FANCC: variants seen among roughly 807,000 people sequenced by gnomAD.
The protein encoded by FANCC is FA complementation group C, also known as Fanconi anemia group C protein.
FANCC carries 55 observed loss-of-function variants against 71.3 expected under a neutral mutation model. That is an observed-to-expected ratio of 0.77 (90% CI 0.62 to 0.97). The LOEUF (loss-of-function observed/expected upper bound fraction) is 0.97, where lower values mean the gene tolerates loss of function less well. Ranked by LOEUF, FANCC falls within the 50% of genes least tolerant of loss-of-function variation. The pLI is 0.00. For missense variants in FANCC, 678 were observed against 670.9 expected, an observed-to-expected ratio of 1.01 and a Z score of -0.12; for synonymous variants, 275 against 244.9, an observed-to-expected ratio of 1.12 and a Z score of -1.15.
intron 4 of FANCC, among the ~76,000 whole-genome samples, chr9:95,210,316 A>G (rs995000316): frequency 1.6e-4 from 25 of 152,154 alleles, no homozygotes; most frequent in African/African-American, 6.0e-4. Flanking sequence ...ACTGGATGAT[A>G]GATATGTGTT....
chr9:95,113,174 G>A (rs1292316223), intron 12 of FANCC, among the ~76,000 whole-genome samples: 1 of 152,182 alleles, frequency 6.6e-6, no homozygotes, highest in Non-Finnish European at 1.5e-5. Context: ...TTGGCTGCAG[G>A]CCTTTTTTGT....
At chr9:95,216,745 ACT>A (rs1828887581) in intron 4 of FANCC, among the ~76,000 whole-genome samples, 1 of 152,100 alleles carries the variant, frequency 6.6e-6, no homozygotes, top group East Asian at 1.9e-4. Flanking sequence ...TTTATCTAGG[ACT>A]CTCTGCATCT....
chr9:95,206,811 A>G (rs926867397), intron 4 of FANCC, among the ~76,000 whole-genome samples: 1 of 152,164 alleles, frequency 6.6e-6, no homozygotes, highest in African/African-American at 2.4e-5. Context: ...TTTACCCCTA[A>G]ACTTTTTTTT....
At chr9:95,137,405 C>T (rs1358755380) in intron 7 of FANCC, among the ~76,000 whole-genome samples, 9 of 152,140 alleles carry the variant, frequency 5.9e-5, no homozygotes, top group Admixed American at 3.3e-4. Flanking sequence ...GTACATTCAC[C>T]TCAGAGCCTC....
At chr9:95,217,341 C>T (rs958346990) in intron 4 of FANCC, among the ~76,000 whole-genome samples, 4 of 151,676 alleles carry the variant, frequency 2.6e-5, no homozygotes, top group Non-Finnish European at 4.4e-5. Flanking sequence ...AAACATTAGC[C>T]GGGTGTGGTG....
intron 4 of FANCC, among the ~76,000 whole-genome samples, chr9:95,185,721 C>T (rs1229596755): frequency 6.6e-6 from 1 of 152,178 alleles, no homozygotes; most frequent in African/African-American, 2.4e-5. Context: ...TCACAGAATC[C>T]ATATCTACCT....
intron 1 of FANCC, among the ~76,000 whole-genome samples, chr9:95,287,127 T>G (rs1352915810): frequency 3.3e-5 from 5 of 152,228 alleles, no homozygotes; most frequent in Middle Eastern, 6.8e-3. Flanking sequence ...GTGTGGAAAC[T>G]AAGGAAAAGA....
At chr9:95,313,552 G>GA (rs920442162) in intron 1 of FANCC, among the ~76,000 whole-genome samples, 5 of 150,894 alleles carry the variant, frequency 3.3e-5, no homozygotes, top group East Asian at 1.9e-4. Flanking sequence ...AATATTTGAA[G>GA]AAAAAAAAAT....
At chr9:95,224,288 C>T (rs766839674) in intron 4 of FANCC, among the ~76,000 whole-genome samples, 1 of 152,144 alleles carries the variant, frequency 6.6e-6, no homozygotes, top group Non-Finnish European at 1.5e-5. Context: ...TTTAAGTGTG[C>T]TGGTGGCAAC....
intron 1 of FANCC, among the ~76,000 whole-genome samples, chr9:95,285,711 T>A (rs1381795125): frequency 2.0e-5 from 3 of 152,138 alleles, no homozygotes; most frequent in Non-Finnish European, 4.4e-5. Context: ...AGAATACAGT[T>A]AAACAGCCAC....
chr9:95,176,026 T>G (rs1401077291), intron 4 of FANCC, among the ~76,000 whole-genome samples: 1 of 152,200 alleles, frequency 6.6e-6, no homozygotes, highest in African/African-American at 2.4e-5. Context: ...ACCAGACTTT[T>G]GCATTCTATT....
chr9:95,247,339 A>G (rs1422323121), intron 3 of FANCC, 93 bp downstream of exon 3: 1 of 954,422 alleles, frequency 1.0e-6, no homozygotes, highest in African/African-American at 1.6e-5. Flanking sequence ...ATTAAAAAAA[A>G]AAAACTAGGA....
chr9:95,176,313 G>A, intron 4 of FANCC, among the ~76,000 whole-genome samples: 1 of 152,176 alleles, frequency 6.6e-6, no homozygotes, highest in East Asian at 1.9e-4. Flanking sequence ...GACCCTTACA[G>A]CTTCCAGTTA....
At chr9:95,116,780 T>C (rs1327669149) in intron 11 of FANCC, among the ~76,000 whole-genome samples, 15 of 152,212 alleles carry the variant, frequency 9.9e-5, no homozygotes. Context: ...TGGATAGCCT[T>C]TGGAAGGCTG....
At chr9:95,152,562 T>A (rs557234624) in intron 6 of FANCC, among the ~76,000 whole-genome samples, 2 of 152,326 alleles carry the variant, frequency 1.3e-5, no homozygotes, top group South Asian at 4.1e-4. Flanking sequence ...GGCCTGCATA[T>A]TCTTTTTGTA....
chr9:95,128,332 A>T (rs1381896414), intron 8 of FANCC, among the ~76,000 whole-genome samples: 2 of 152,264 alleles, frequency 1.3e-5, no homozygotes, highest in Non-Finnish European at 2.9e-5. Context: ...ATTGAATAAG[A>T]GTGTTTAAGA....
chr9:95,254,510 G>A (rs890466302), intron 1 of FANCC, among the ~76,000 whole-genome samples: 8 of 152,204 alleles, frequency 5.3e-5, no homozygotes, highest in African/African-American at 1.4e-4. Context: ...AAGGGAAGCC[G>A]TGAGGGACTG....
At chr9:95,205,356 C>T (rs1828058276) in intron 4 of FANCC, among the ~76,000 whole-genome samples, 2 of 152,036 alleles carry the variant, frequency 1.3e-5, no homozygotes, top group African/African-American at 4.8e-5. Context: ...TATAAAATAG[C>T]AGCTAAGATG....
chr9:95,219,751 AC>A (rs1226238853), intron 4 of FANCC, among the ~76,000 whole-genome samples: 2 of 152,198 alleles, frequency 1.3e-5, no homozygotes, highest in African/African-American at 4.8e-5. Context: ...TAGACCTAAA[AC>A]CATAAAAACC....
Sources: gnomAD v4.1 joint callset for allele counts (sites outside exome capture counted in the v4.1 genomes callset) on GRCh38, gnomAD v4.1.1 for gene constraint, MANE v1.5 for transcripts, NCBI Gene and HGNC (gene_info 2026-07-23, HGNC 2026-07-21) for gene names.